CSMD1: variants seen among roughly 807,000 people sequenced by gnomAD.
The protein encoded by CSMD1 is CUB and sushi domain-containing protein 1.
In CSMD1, 213 loss-of-function variants were observed where a neutral mutation model predicts 417.5. The observed-to-expected ratio is 0.51, with a 90% CI of 0.46 to 0.57. The LOEUF is 0.57. Ranked by LOEUF, CSMD1 falls within the 20% of genes least tolerant of loss-of-function variation. CSMD1 has a pLI of 0.00. For synonymous variants in CSMD1, 2,862 were observed against 1,736.8 expected (o/e 1.65, Z -16.11); for missense variants, 6,923 against 4,529.7 (o/e 1.53, Z -15.17).
At chr8:4,660,484 A>G (rs1804527230) in intron 1 of CSMD1, among the ~76,000 whole-genome samples, 1 of 152,136 alleles carries the variant, frequency 6.6e-6, no homozygotes, top group Non-Finnish European at 1.5e-5. Flanking sequence ...ATTCCATTAC[A>G]AATCCTAACC....
At chr8:4,836,885 C>A (rs1301249624) in intron 1 of CSMD1, among the ~76,000 whole-genome samples, 1 of 152,090 alleles carries the variant, frequency 6.6e-6, no homozygotes, top group African/African-American at 2.4e-5. Context: ...AGCCACCTCT[C>A]ACTCTGTCTG....
intron 6 of CSMD1, among the ~76,000 whole-genome samples, chr8:3,742,132 A>G (rs995074702): frequency 7.2e-5 from 11 of 152,110 alleles, no homozygotes; most frequent in Admixed American, 1.3e-4. Flanking sequence ...CTATTTGTCT[A>G]TCCACCTAGT....
chr8:3,331,237 C>CAAAAAAAAA (rs112278319), intron 23 of CSMD1, among the ~76,000 whole-genome samples: 2 of 128,520 alleles, frequency 1.6e-5, no homozygotes, highest in African/African-American at 6.4e-5. Flanking sequence ...GACTCCGTCT[C>CAAAAAAAAA]AAAAAAAAAA....
chr8:3,359,089 C>T, intron 21 of CSMD1, 63 bp downstream of exon 21: 1 of 1,543,138 alleles, frequency 6.5e-7, no homozygotes, highest in Non-Finnish European at 8.9e-7. Context: ...CCACCCTAGG[C>T]TTCTTGCCTG....
At chr8:4,353,675 C>G (rs1193963601) in intron 3 of CSMD1, among the ~76,000 whole-genome samples, 1 of 152,132 alleles carries the variant, frequency 6.6e-6, no homozygotes, top group Non-Finnish European at 1.5e-5. Context: ...ACTCATTTCT[C>G]TCAGAATTCA....
chr8:4,524,225 A>C (rs1347969315), intron 2 of CSMD1, among the ~76,000 whole-genome samples: 1 of 151,914 alleles, frequency 6.6e-6, no homozygotes, highest in Non-Finnish European at 1.5e-5. Context: ...TTAAACATTG[A>C]AGTGTATAAA....
chr8:4,318,706 A>G (rs904366613), intron 3 of CSMD1, among the ~76,000 whole-genome samples: 9 of 40,702 alleles, frequency 2.2e-4, no homozygotes, highest in African/African-American at 4.3e-4. Flanking sequence ...ATATTATTTT[A>G]AAATCTCAAA....
intron 10 of CSMD1, among the ~76,000 whole-genome samples, chr8:3,532,820 G>C (rs936139264): frequency 6.6e-6 from 1 of 152,006 alleles, no homozygotes; most frequent in African/African-American, 2.4e-5. Context: ...ATTCACATTT[G>C]AAGTCATTAA....
At chr8:3,231,591 G>C (rs1798842728) in intron 26 of CSMD1, among the ~76,000 whole-genome samples, 1 of 152,064 alleles carries the variant, frequency 6.6e-6, no homozygotes, top group Non-Finnish European at 1.5e-5. Context: ...ATATAAAAAA[G>C]AATAAGACCT....
Position 4,199,949 on chromosome 8 carries a change from T to G in CSMD1, c.416-167850A>C, listed in dbSNP as rs1165617987. On this transcript the variant is annotated intron_variant, in intron 3 of 69. Transcript: ENST00000635120. The stretch of plus-strand genomic sequence containing the variant: ...CGGTTACAAGGAGTTTCAACCAATG[T>G]AGAAAAAAAGACCTGAATGAAATAA... 3.3e-5 allele frequency among the ~76,000 whole-genome samples: 5 copies of G among 152,178 alleles called. No homozygotes were observed. The East Asian group carries it at 7.7e-4, about 24-fold the overall frequency.
intron 12 of CSMD1, among the ~76,000 whole-genome samples, chr8:3,425,787 A>T (rs183585159): frequency 6.6e-5 from 10 of 152,158 alleles, no homozygotes; most frequent in African/African-American, 2.4e-4. Context: ...AAATTTAACC[A>T]AGGTAAATTT....
At chr8:3,690,986 G>T (rs1281969168) in intron 7 of CSMD1, among the ~76,000 whole-genome samples, 1 of 152,100 alleles carries the variant, frequency 6.6e-6, no homozygotes, top group South Asian at 2.1e-4. Context: ...TGTGTGTGAG[G>T]GTGGGGAGTG....
At chr8:4,472,050 T>G (rs1325901283) in intron 2 of CSMD1, among the ~76,000 whole-genome samples, 1 of 152,208 alleles carries the variant, frequency 6.6e-6, no homozygotes, top group Non-Finnish European at 1.5e-5. Context: ...GGAACTCAGA[T>G]TTAATGCTTA....
chr8:4,568,276 T>TCCC (rs1798713188), intron 2 of CSMD1, among the ~76,000 whole-genome samples: 1 of 152,038 alleles, frequency 6.6e-6, no homozygotes, highest in Admixed American at 6.6e-5. Flanking sequence ...ATGCTATCCC[T>TCCC]CCCCTTACCC....
At chr8:4,439,493 C>T (rs374219988) in intron 2 of CSMD1, among the ~76,000 whole-genome samples, 1 of 152,026 alleles carries the variant, frequency 6.6e-6, no homozygotes, top group East Asian at 1.9e-4. Context: ...GTTTGACGAA[C>T]AAGCTGAGAT....
intron 7 of CSMD1, among the ~76,000 whole-genome samples, chr8:3,691,179 C>A (rs1291927835): frequency 6.6e-6 from 1 of 151,910 alleles, no homozygotes; most frequent in East Asian, 1.9e-4. Context: ...CCAGCGTGAC[C>A]AACATGGTGA....
chr8:2,953,042 G>C (rs952479025), intron 65 of CSMD1, among the ~76,000 whole-genome samples: 3 of 152,116 alleles, frequency 2.0e-5, no homozygotes, highest in Non-Finnish European at 4.4e-5. Context: ...TGATAATAAT[G>C]TTTGCACCTA....
At chr8:3,145,189 T>C (rs1350684596) in intron 40 of CSMD1, among the ~76,000 whole-genome samples, 1 of 152,116 alleles carries the variant, frequency 6.6e-6, no homozygotes, top group Non-Finnish European at 1.5e-5. Context: ...ATCAAGAAGC[T>C]GACCCGAGAG....
intron 1 of CSMD1, among the ~76,000 whole-genome samples, chr8:4,962,093 G>T (rs1391299284): frequency 7.6e-6 from 1 of 130,972 alleles, no homozygotes; most frequent in Non-Finnish European, 1.6e-5. Context: ...TGTCATGCAT[G>T]TAAGTATGTA....
Sources: allele counts gnomAD v4.1 joint callset (sites outside exome capture counted in the v4.1 genomes callset), GRCh38; gene constraint gnomAD v4.1.1; transcripts MANE v1.5; gene names NCBI Gene and HGNC (gene_info 2026-07-23, HGNC 2026-07-21).